Variants in SAE1 observed in about 807,000 individuals in gnomAD.
The protein encoded by SAE1 is SUMO1 activating enzyme subunit 1.
In SAE1, 11 loss-of-function variants were observed where a neutral mutation model predicts 40.6. That is an observed-to-expected ratio of 0.27 (90% CI 0.17 to 0.45). The LOEUF is 0.45. Ranked by LOEUF, SAE1 falls within the 20% of genes least tolerant of loss-of-function variation. SAE1 has a pLI of 1.00. For synonymous variants in SAE1, 155 were observed against 154.3 expected (o/e 1.00, Z -0.03); for missense variants, 373 against 427.3 (o/e 0.87, Z 1.12).
chr19:47,191,532 A>C (rs2058577736), intron 6 of SAE1, among the ~76,000 whole-genome samples: 1 of 152,184 alleles, frequency 6.6e-6, no homozygotes, highest in Non-Finnish European at 1.5e-5. Flanking sequence ...GGCTGCTTAT[A>C]GGGCACAGTC....
chr19:47,143,482 T>C lies in SAE1; in HGVS notation c.99-12T>C. 6.2e-7 allele frequency: 1 copy of C among 1,602,566 alleles called. No homozygotes were observed. The highest frequency in any genetic ancestry group is 8.6e-7 in the Non-Finnish European group (1 of 1,169,546). ...GTTCTGTATCATCAGGTTAACAATGTTTGTCTTACAGGCTGCGGGCCTCTC... is the reference window on the plus strand; with the variant it reads ...GTTCTGTATCATCAGGTTAACAATGCTTGTCTTACAGGCTGCGGGCCTCTC... On this transcript the variant is annotated splice_polypyrimidine_tract_variant and intron_variant, in intron 1 of 8. Coordinates refer to ENST00000270225, the MANE Select transcript of SAE1 (RefSeq NM_005500.3).
rs1260844738 is a variant in SAE1, at chr19:47,209,565, C to T, written c.*314C>T. 10 of 423,638 alleles carry T rather than the reference C, an allele frequency of 2.4e-5. No individual in the cohort carries two copies. Among genetic ancestry groups the T allele is most frequent in the South Asian group, 2.2e-4 (5 of 22,592 alleles). 26.2% of individuals were successfully genotyped at this position (423,638 alleles called of 1,614,324 possible). A position where few individuals can be genotyped will look rare whatever the true frequency, so the allele number is the denominator to read the frequency against. On this transcript the variant is annotated 3_prime_UTR_variant, in exon 9 of 9. Coordinates refer to ENST00000270225, the MANE Select transcript of SAE1 (RefSeq NM_005500.3). ...CCCTTTCTCTGTCCTTATGCTGTCC[C>T]GGCCTCGCCAGCCCTCTGGGGCATT...
At chr19:47,154,509 T>TTTTTTTTTTTG (rs1170158203) in intron 4 of SAE1, among the ~76,000 whole-genome samples, 6 of 126,532 alleles carry the variant, frequency 4.7e-5, no homozygotes, top group African/African-American at 1.8e-4. Context: ...TTTTTTTTTT[T>TTTTTTTTTTTG]TCTGAGACAG....
chr19:47,150,452 A>C (rs1434746948), intron 3 of SAE1, 77 bp downstream of exon 3: 1 of 1,161,856 alleles, frequency 8.6e-7, no homozygotes, highest in Non-Finnish European at 1.2e-6. Context: ...TCAAATCCCA[A>C]AGCAATCTGA....
chr19:47,201,690 G>A (rs1262048047), intron 7 of SAE1, among the ~76,000 whole-genome samples: 1 of 151,868 alleles, frequency 6.6e-6, no homozygotes, highest in African/African-American at 2.4e-5. Context: ...CTGGAGTGCA[G>A]TGGCACCATC....
chr19:47,153,421 T>TA (rs1325080470), intron 4 of SAE1, among the ~76,000 whole-genome samples: 10 of 152,346 alleles, frequency 6.6e-5, no homozygotes, highest in Admixed American at 3.3e-4. Context: ...CAGAACTTGG[T>TA]AATTCTTACA....
At chr19:47,184,823 G>C (rs1020410084) in intron 6 of SAE1, among the ~76,000 whole-genome samples, 27 of 150,946 alleles carry the variant, frequency 1.8e-4, no homozygotes, top group African/African-American at 5.9e-4. Context: ...GTTTTGTTTT[G>C]TTTTGTTTTG....
chr19:47,155,159 G>C lies in SAE1; in HGVS notation c.573G>C (p.Gly191=), dbSNP rs747554818. Residue 191 remains glycine, a synonymous_variant, in exon 5 of 9, where the codon GGG becomes GGC. Transcript: ENST00000270225. ...VAKVSQGVED[G]PDTKRAKLDS... ...AAGTTAGCCAAGGAGTAGAAGATGGGCCCGACACCAAGAGAGCAAAACTTG... is the reference window on the plus strand; with the variant it reads ...AAGTTAGCCAAGGAGTAGAAGATGGCCCCGACACCAAGAGAGCAAAACTTG... The C allele has an allele frequency of 4.3e-6, 7 of 1,614,034 alleles. No homozygotes were observed. The Admixed American group carries it at 6.7e-5, about 15-fold the overall frequency.
intron 8 of SAE1, 104 bp downstream of exon 8, chr19:47,203,844 C>A: frequency 1.9e-6 from 2 of 1,029,368 alleles, no homozygotes; most frequent in South Asian, 1.4e-5. Context: ...TTCTCTCACC[C>A]CATTCATCTT....
Position 47,155,229 on chromosome 19 carries a change from G to A in SAE1, c.627+16G>A, listed in dbSNP as rs1321225444. On this transcript the variant is annotated intron_variant, in intron 5 of 8. Coordinates refer to ENST00000270225, the MANE Select transcript of SAE1 (RefSeq NM_005500.3). ...GGTCAAAAAGGTATGTGTAACGTGGGGGCAGAGGTCAGAAACCCTGGGGCC... is the reference window on the plus strand; with the variant it reads ...GGTCAAAAAGGTATGTGTAACGTGGAGGCAGAGGTCAGAAACCCTGGGGCC... 1 of 1,565,248 alleles carries A rather than the reference G, an allele frequency of 6.4e-7. No homozygotes were observed. Among genetic ancestry groups the A allele is most frequent in the South Asian group, 1.1e-5 (1 of 90,162 alleles).
At position 47,130,896 on chromosome 19, in the gene SAE1, GC is replaced by G; in HGVS notation, c.-34del. 1 of 1,548,032 alleles carries G rather than the reference GC, an allele frequency of 6.5e-7. No homozygotes were observed. Among genetic ancestry groups the G allele is most frequent in the Non-Finnish European group, 8.7e-7 (1 of 1,146,220 alleles). On this transcript the variant is annotated 5_prime_UTR_variant, in exon 1 of 9. Coordinates refer to ENST00000270225, the MANE Select transcript of SAE1 (RefSeq NM_005500.3). ...CGGGTCCGGCGGGCGGTTGGCTTGA[GC>G]GGGACCGGAGCTGAGGCAGGAAGAG...
chr19:47,196,015 T>C (rs1451233901), intron 6 of SAE1, among the ~76,000 whole-genome samples: 2 of 150,662 alleles, frequency 1.3e-5, no homozygotes, highest in Admixed American at 1.3e-4. Flanking sequence ...ATTGCAGATG[T>C]GTGCCATCAC....
intron 8 of SAE1, 44 bp from the exon 9 acceptor site, chr19:47,209,101 TTCCCTCTATTCCTC>T: frequency 6.4e-7 from 1 of 1,553,236 alleles, no homozygotes. Flanking sequence ...GAATTTTTTT[TTCCCTCTATTCCTC>T]TTAAAGCACT....
chr19:47,155,042 A>G, intron 4 of SAE1, 72 bp from the exon 5 acceptor site: 1 of 946,364 alleles, frequency 1.1e-6, no homozygotes, highest in East Asian at 2.4e-5. Context: ...TGTGACCTGG[A>G]GAGGCTTTTT....
At chr19:47,166,098 G>A (rs1411577294) in intron 5 of SAE1, among the ~76,000 whole-genome samples, 2 of 152,186 alleles carry the variant, frequency 1.3e-5, no homozygotes, top group African/African-American at 2.4e-5. Context: ...AGCTTCTCAG[G>A]ACTTTTTGTG....
At chr19:47,172,725 C>G (rs2058441920) in intron 6 of SAE1, among the ~76,000 whole-genome samples, 1 of 149,000 alleles carries the variant, frequency 6.7e-6, no homozygotes, top group Admixed American at 6.7e-5. Flanking sequence ...GAAACAGAGT[C>G]AATCACAGAT....
chr19:47,181,608 A>G (rs1283658632), intron 6 of SAE1, among the ~76,000 whole-genome samples: 1 of 148,282 alleles, frequency 6.7e-6, no homozygotes, highest in East Asian at 2.0e-4. Flanking sequence ...CCTCCCAGGT[A>G]GCTGGGACTA....
chr19:47,175,957 A>G (rs895123620), intron 6 of SAE1, among the ~76,000 whole-genome samples: 1 of 152,232 alleles, frequency 6.6e-6, no homozygotes, highest in East Asian at 1.9e-4. Flanking sequence ...ATCATAGTAA[A>G]AAGTCTTCAA....
chr19:47,202,254 A>T (rs182633178), intron 7 of SAE1, among the ~76,000 whole-genome samples: 1 of 152,238 alleles, frequency 6.6e-6, no homozygotes, highest in Non-Finnish European at 1.5e-5. Context: ...GAAGAGTAAT[A>T]GTTGATAATA....
Sources: allele counts gnomAD v4.1 joint callset (sites outside exome capture counted in the v4.1 genomes callset), GRCh38; gene constraint gnomAD v4.1.1; transcripts MANE v1.5; gene names NCBI Gene and HGNC (gene_info 2026-07-23, HGNC 2026-07-21).